Variants in TTC5 observed in about 807,000 individuals in gnomAD.
TTC5 encodes tetratricopeptide repeat protein 5.
In TTC5, 46 loss-of-function variants were observed where a neutral mutation model predicts 57.4. The observed-to-expected ratio is 0.80, with a 90% CI of 0.63 to 1.03. TTC5 has a LOEUF of 1.03. Ranked by LOEUF, TTC5 falls within the 50% of genes least tolerant of loss-of-function variation. The probability of loss-of-function intolerance (pLI) is 0.00; values close to 1 mark genes in which losing one functional copy is unlikely to be tolerated. For synonymous variants in TTC5, 190 were observed against 203.5 expected (o/e 0.93, Z 0.57); for missense variants, 504 against 528.1 (o/e 0.95, Z 0.45).
rs901410421 is a variant in TTC5, at chr14:20,286,391, A to C, written c.*3236T>G. Reference sequence around the variant, plus strand: ...GGACAAAGAAATGTAATTTATGCCTACTATGTGATATTTTATAATCATCTG... The same window carrying C: ...GGACAAAGAAATGTAATTTATGCCTCCTATGTGATATTTTATAATCATCTG... On this transcript the variant is annotated 3_prime_UTR_variant, in exon 10 of 10. Coordinates refer to ENST00000258821, the MANE Select transcript of TTC5 (RefSeq NM_138376.3). 6.6e-6 allele frequency: 1 copy of C among 152,156 alleles called. No homozygotes were observed. The highest frequency in any genetic ancestry group is 1.5e-5 in the Non-Finnish European group (1 of 68,028). 9.4% of individuals were successfully genotyped at this position (152,156 alleles called of 1,614,324 possible).
At chr14:20,297,006 TC>T (rs1882079621) in intron 5 of TTC5, among the ~76,000 whole-genome samples, 1 of 152,026 alleles carries the variant, frequency 6.6e-6, no homozygotes, top group South Asian at 2.1e-4. Context: ...TGAGACTTCA[TC>T]TCAAAAAAAA....
At chr14:20,302,974 G>A (rs139153586) in intron 1 of TTC5, among the ~76,000 whole-genome samples, 92 of 151,856 alleles carry the variant, frequency 6.1e-4, no homozygotes, top group African/African-American at 2.1e-3. Flanking sequence ...CAAGGCAGAC[G>A]GATCATGAAG....
At position 20,288,147 on chromosome 14, in the gene TTC5, A is replaced by G. The variant is rs1881876887; in HGVS notation, c.*1480T>C. On this transcript the variant is annotated 3_prime_UTR_variant, in exon 10 of 10. Transcript: ENST00000258821. The stretch of plus-strand genomic sequence containing the variant: ...AAGAATGGACTGAAAATTTTATCTT[A>G]TTAGACTCAGCCTTTATGACTTCTT... 6.6e-6 allele frequency: 1 copy of G among 152,156 alleles called. No homozygotes were observed. The highest frequency in any genetic ancestry group is 1.5e-5 in the Non-Finnish European group (1 of 68,028). 9.4% of individuals were successfully genotyped at this position (152,156 alleles called of 1,614,324 possible).
intron 8 of TTC5, chr14:20,295,111 T>C (rs937132408): frequency 1.7e-6 from 1 of 581,854 alleles, no homozygotes; most frequent in African/African-American, 1.9e-5. Flanking sequence ...AAATGGGCAG[T>C]GACAGAATCT....
rs1482085635 is a variant in TTC5 at position 20,300,660 on chromosome 14, T to A, written c.343A>T (p.Lys115Ter). Reference protein sequence around the residue: ...AWNQLGEVYWKKGDVAAAHTC... With the variant: ...AWNQLGEVYW ...TGGGCAGCTGCAACATCCCCTTTTT[T>A]CCAGTACACCTCACCCAGCTGGTTC... The change falls in exon 3 of 10, where the codon AAA (lysine) becomes TAA (stop). Residue 115 changes from lysine to a stop codon, truncating the protein, a stop_gained. Coordinates refer to ENST00000258821, the MANE Select transcript of TTC5 (RefSeq NM_138376.3). LOFTEE classifies it high-confidence loss of function. 6.2e-7 allele frequency: 1 copy of A among 1,613,988 alleles called. No individual in the cohort carries two copies. The highest frequency in any genetic ancestry group is 8.5e-7 in the Non-Finnish European group (1 of 1,180,030).
intron 8 of TTC5, 64 bp from the exon 9 acceptor site, chr14:20,292,191 C>A (rs11628513): frequency 0.19 from 243,526 of 1,255,806 alleles, 25,122 homozygotes; most frequent in Non-Finnish European, 0.21. Context: ...GAAAGAAGAG[C>A]AGAAACAGTG....
At chr14:20,291,092 C>T (rs997580114) in intron 9 of TTC5, among the ~76,000 whole-genome samples, 1 of 151,966 alleles carries the variant, frequency 6.6e-6, no homozygotes, top group Non-Finnish European at 1.5e-5. Context: ...CTTTCTCTAT[C>T]ACCCGGGCTG....
rs1299032139 is a variant in TTC5, at chr14:20,288,664, T to G, written c.*963A>C. 6.6e-6 allele frequency: 1 copy of G among 152,272 alleles called. No individual in the cohort carries two copies. Among genetic ancestry groups the G allele is most frequent in the African/African-American group, 2.4e-5 (1 of 41,478 alleles). The allele number at this position is 152,272 out of a possible 1,614,324, so 9.4% of individuals were successfully genotyped here. A position where few individuals can be genotyped will look rare whatever the true frequency, so the allele number is the denominator to read the frequency against. On this transcript the variant is annotated 3_prime_UTR_variant, in exon 10 of 10. Coordinates refer to ENST00000258821, the MANE Select transcript of TTC5 (RefSeq NM_138376.3). ...CTCCTGACCTCGTGATCCACCCGCC[T>G]TGGACTCCCAAAGTGGTGGGATTAC... is the stretch of plus-strand genomic sequence containing the variant.
chr14:20,304,078 CATTA>C (rs1384170588), intron 1 of TTC5, among the ~76,000 whole-genome samples: 2 of 152,184 alleles, frequency 1.3e-5, no homozygotes, highest in African/African-American at 4.8e-5. Flanking sequence ...TGTGGCCTAT[CATTA>C]ATTGTCTATT....
At chr14:20,297,985 C>A (rs2318862) in intron 5 of TTC5, among the ~76,000 whole-genome samples, 127,709 of 152,082 alleles carry the variant, frequency 0.84, 54,220 homozygotes, top group Non-Finnish European at 0.92. Context: ...GGAGAAAAAC[C>A]AATTTAAAAG....
At chr14:20,298,996 C>T (rs771142372) in intron 4 of TTC5, 108 bp from the exon 5 acceptor site, 4 of 894,076 alleles carry the variant, frequency 4.5e-6, no homozygotes, top group Non-Finnish European at 5.3e-6. Flanking sequence ...GAAATCCAAA[C>T]CAGGAATGAC....
At position 20,289,073 on chromosome 14, in the gene TTC5, G is replaced by A. The variant is rs796110947; in HGVS notation, c.*554C>T. 2 of 150,040 alleles carry A rather than the reference G, an allele frequency of 1.3e-5. No homozygotes were observed. Among genetic ancestry groups the A allele is most frequent in the East Asian group, 1.9e-4 (1 of 5,162 alleles). The allele number at this position is 150,040 out of a possible 1,614,324, so 9.3% of individuals were successfully genotyped here. On this transcript the variant is annotated 3_prime_UTR_variant, in exon 10 of 10. Coordinates refer to ENST00000258821, the MANE Select transcript of TTC5 (RefSeq NM_138376.3). ...GGGTATTACTCCAATAAATTGAAGT[G>A]ATCCTAAAACAAAGAATACAGGCCT...
rs960687098 is a variant in TTC5 at position 20,288,094 on chromosome 14, C to A, written c.*1533G>T. 1 of 152,076 alleles carries A rather than the reference C, an allele frequency of 6.6e-6. No homozygotes were observed. The highest frequency in any genetic ancestry group is 6.5e-5 in the Admixed American group (1 of 15,272). 9.4% of individuals were successfully genotyped at this position (152,076 alleles called of 1,614,324 possible). A position where few individuals can be genotyped will look rare whatever the true frequency, so the allele number is the denominator to read the frequency against. ...ATTCATATATGATGTTGAAGCTATA[C>A]CTGAGAATGTAAGCCTTTTTGGACC... is the stretch of plus-strand genomic sequence containing the variant. On this transcript the variant is annotated 3_prime_UTR_variant, in exon 10 of 10. Coordinates refer to ENST00000258821, the MANE Select transcript of TTC5 (RefSeq NM_138376.3).
intron 4 of TTC5, 131 bp downstream of exon 4, chr14:20,299,167 G>T (rs934348028): frequency 7.0e-6 from 7 of 1,005,476 alleles, no homozygotes; most frequent in Non-Finnish European, 8.6e-6. Context: ...TGTCTTTCGT[G>T]TGTCTTCAAA....
chr14:20,303,807 T>C (rs997922464), intron 1 of TTC5, among the ~76,000 whole-genome samples: 2 of 152,190 alleles, frequency 1.3e-5, no homozygotes, highest in South Asian at 4.1e-4. Context: ...CCTCTCACCA[T>C]TCTCTCTCCT....
Position 20,295,876 on chromosome 14 carries a change from A to G in TTC5, c.697-22T>C, listed in dbSNP as rs773858157. ...GCAACTGTACAAGAAGTGTATCCCA[A>G]TTATAAGTATATCCAGACAAACTAT... On this transcript the variant is annotated intron_variant, in intron 6 of 9. Coordinates refer to ENST00000258821, the MANE Select transcript of TTC5 (RefSeq NM_138376.3). 9 of 1,549,968 alleles carry G rather than the reference A, an allele frequency of 5.8e-6. No individual in the cohort carries two copies. In the Admixed American group the frequency reaches 2.0e-4, roughly 34 times the overall value.
At chr14:20,297,735 T>C (rs1464568419) in intron 5 of TTC5, among the ~76,000 whole-genome samples, 1 of 151,230 alleles carries the variant, frequency 6.6e-6, no homozygotes, top group Non-Finnish European at 1.5e-5. Flanking sequence ...ATCGTGCCAC[T>C]GCACTCCAGC....
In TTC5 at chr14:20,301,827, T is replaced by G; in HGVS notation, c.184+6A>C. ...ATGGGGGTTGTACAATCTCTAGGGC[T>G]CATACCCACTACTTCTTCCATCTGC... is the stretch of plus-strand genomic sequence containing the variant. On this transcript the variant is annotated splice_donor_region_variant and intron_variant, in intron 2 of 9. Coordinates refer to ENST00000258821, the MANE Select transcript of TTC5 (RefSeq NM_138376.3). The G allele has an allele frequency of 6.2e-7, 1 of 1,613,930 alleles. No homozygotes were observed. Among genetic ancestry groups the G allele is most frequent in the Non-Finnish European group, 8.5e-7 (1 of 1,179,898 alleles).
rs759170818 is a variant in TTC5, at chr14:20,300,828, A to G, written c.185-10T>C. 7.0e-6 allele frequency: 11 copies of G among 1,575,826 alleles called. No homozygotes were observed. The Admixed American group carries it at 1.2e-4, about 17-fold the overall frequency. The stretch of plus-strand genomic sequence containing the variant: ...TTGCCCTGGACAGAACCTAAGAGGA[A>G]GAAAAAAAGATAAAGTGGGAAAAAA... On this transcript the variant is annotated splice_polypyrimidine_tract_variant and intron_variant, in intron 2 of 9. Transcript: ENST00000258821.
Sources: gnomAD v4.1 joint callset for allele counts (sites outside exome capture counted in the v4.1 genomes callset) on GRCh38, gnomAD v4.1.1 for gene constraint, MANE v1.5 for transcripts, NCBI Gene and HGNC (gene_info 2026-07-23, HGNC 2026-07-21) for gene names.